The following NEK10 variants were observed in gnomAD, a reference collection of about 807,000 sequenced individuals.
NEK10 encodes the protein serine/threonine-protein kinase Nek10.
Under a neutral mutation model 159.8 loss-of-function variants are expected in NEK10, and 122 were observed. The observed-to-expected ratio is 0.76, with a 90% CI of 0.66 to 0.89. The LOEUF is 0.89. Ranked by LOEUF, NEK10 falls within the 40% of genes least tolerant of loss-of-function variation. The pLI, the probability that NEK10 is intolerant of heterozygous loss-of-function variation, is 0.00. For missense variants in NEK10, 1,342 were observed against 1,323.1 expected (o/e 1.01, Z -0.22); for synonymous variants, 466 against 457.1 (o/e 1.02, Z -0.25).
At chr3:27,180,544 T>C (rs992334798) in intron 26 of NEK10, among the ~76,000 whole-genome samples, 1 of 152,110 alleles carries the variant, frequency 6.6e-6, no homozygotes, top group Non-Finnish European at 1.5e-5. Flanking sequence ...GTCATTGAAA[T>C]TTACCAATGC....
intron 22 of NEK10, among the ~76,000 whole-genome samples, chr3:27,282,548 A>ATATATATATACATAACTGTGT (rs2042249077): frequency 4.0e-5 from 4 of 100,560 alleles, no homozygotes; most frequent in South Asian, 3.0e-4. Flanking sequence ...TTATATATAT[A>ATATATATATACATAACTGTGT]TATATATATA....
intron 22 of NEK10, among the ~76,000 whole-genome samples, chr3:27,261,455 TA>T (rs1199313225): frequency 1.3e-5 from 2 of 152,214 alleles, no homozygotes; most frequent in Admixed American, 1.3e-4. Flanking sequence ...AGAACATCTT[TA>T]TTTCTGCCTT....
At chr3:27,257,985 A>G (rs1956391199) in intron 22 of NEK10, among the ~76,000 whole-genome samples, 1 of 151,202 alleles carries the variant, frequency 6.6e-6, no homozygotes, top group African/African-American at 2.4e-5. Context: ...TTTAGTAGAG[A>G]CTGGGTTTCA....
chr3:27,319,922 G>C (rs1052120742), intron 6 of NEK10, among the ~76,000 whole-genome samples: 5 of 152,084 alleles, frequency 3.3e-5, no homozygotes, highest in Admixed American at 1.3e-4. Context: ...GGACCCTGCA[G>C]TACTGACTGA....
chr3:27,266,657 C>T (rs548228142), intron 22 of NEK10, among the ~76,000 whole-genome samples: 1 of 152,294 alleles, frequency 6.6e-6, no homozygotes, highest in South Asian at 2.1e-4. Context: ...TCCCTTTCAG[C>T]ATCAAATCCA....
chr3:27,301,213 G>T (rs1329996482), intron 13 of NEK10, among the ~76,000 whole-genome samples: 1 of 152,218 alleles, frequency 6.6e-6, no homozygotes, highest in Non-Finnish European at 1.5e-5. Context: ...TGCTGCTCCT[G>T]CTTGCATGTG....
intron 22 of NEK10, among the ~76,000 whole-genome samples, chr3:27,257,104 C>T (rs552915334): frequency 6.4e-4 from 98 of 152,020 alleles, no homozygotes; most frequent in Admixed American, 2.2e-3. Context: ...TTAGTAGAGA[C>T]GTGGTTTTAC....
intron 23 of NEK10, among the ~76,000 whole-genome samples, chr3:27,217,797 T>C (rs1266214146): frequency 6.6e-6 from 1 of 152,154 alleles, no homozygotes; most frequent in Non-Finnish European, 1.5e-5. Flanking sequence ...ATTACAGTAG[T>C]ACCCCCTTAT....
At chr3:27,348,999 T>A (rs6551194) in intron 3 of NEK10, among the ~76,000 whole-genome samples, 4 of 151,954 alleles carry the variant, frequency 2.6e-5, no homozygotes, top group East Asian at 3.9e-4. Context: ...CAGACATTGC[T>A]TGAGACACTG....
chr3:27,249,351 ATC>A (rs563448864), intron 23 of NEK10, among the ~76,000 whole-genome samples: 81 of 152,192 alleles, frequency 5.3e-4, no homozygotes, highest in African/African-American at 1.9e-3. Flanking sequence ...ATTTTTGTCC[ATC>A]TCTCTTTCTT....
rs188505277 is a variant in NEK10 at position 27,268,155 on chromosome 3, C to T, written c.2015-11784G>A. 7.8e-3 allele frequency among the ~76,000 whole-genome samples: 1,189 copies of T among 152,296 alleles called. 4 individuals are homozygous for T. Among genetic ancestry groups the T allele is most frequent in the Non-Finnish European group, 0.012 (824 of 68,024 alleles). ...CTGCAGAAGAAAGTCTGGAAGCTAG[C>T]AGAGGTTGGTTCACGAGGTTTAAGG... On this transcript the variant is annotated intron_variant, in intron 22 of 35. Coordinates refer to ENST00000691995, the MANE Select transcript of NEK10 (RefSeq NM_001394966.1).
Position 27,201,537 on chromosome 3 carries a change from G to A in NEK10, c.2264C>T (p.Ser755Phe). The A allele has an allele frequency of 6.2e-7, 1 of 1,613,964 alleles. No homozygotes were observed. Among genetic ancestry groups the A allele is most frequent in the African/African-American group, 1.3e-5 (1 of 75,036 alleles). Residue 755 changes from serine (S) to phenylalanine (F), a missense_variant, in exon 25 of 36, where the codon TCT becomes TTT. Ser to Phe is a radical substitution (Grantham distance 155). Coordinates refer to ENST00000691995, the MANE Select transcript of NEK10 (RefSeq NM_001394966.1). ...VYEPVPEGIY[S>F]EKVTDTISRC... ...GCTGATGGTGTCTGTTACTTTTTCA[G>A]AGTAGATACCTTCTGGGACTGGTTC...
chr3:27,349,940 T>C (rs2047846215), intron 3 of NEK10, among the ~76,000 whole-genome samples: 1 of 152,166 alleles, frequency 6.6e-6, no homozygotes, highest in Admixed American at 6.5e-5. Context: ...ACACAGAGTG[T>C]AGGTCAGGAC....
At chr3:27,139,338 T>C (rs1228004747) in intron 31 of NEK10, among the ~76,000 whole-genome samples, 1 of 152,034 alleles carries the variant, frequency 6.6e-6, no homozygotes, top group Non-Finnish European at 1.5e-5. Flanking sequence ...TATGATAACC[T>C]CATCTAGGAC....
At chr3:27,312,874 T>A (rs939651472) in intron 7 of NEK10, among the ~76,000 whole-genome samples, 1 of 152,180 alleles carries the variant, frequency 6.6e-6, no homozygotes. Flanking sequence ...TTTCTAAGAA[T>A]ATAATAAAAT....
At chr3:27,362,854 C>A (rs2048784569) in intron 1 of NEK10, among the ~76,000 whole-genome samples, 1 of 152,026 alleles carries the variant, frequency 6.6e-6, no homozygotes. Flanking sequence ...ACCTGAACTA[C>A]CATTATCACT....
chr3:27,224,163 T>C (rs1015670200), intron 23 of NEK10, among the ~76,000 whole-genome samples: 1 of 152,210 alleles, frequency 6.6e-6, no homozygotes, highest in African/African-American at 2.4e-5. Flanking sequence ...AAGAGTGATG[T>C]CTCTTGTCAA....
At chr3:27,164,291 G>C (rs2120896) in intron 29 of NEK10, among the ~76,000 whole-genome samples, 1 of 152,188 alleles carries the variant, frequency 6.6e-6, no homozygotes, top group African/African-American at 2.4e-5. Flanking sequence ...CTGAGGAGCA[G>C]AGCATCTGTT....
At chr3:27,176,462 A>G (rs929224211) in intron 26 of NEK10, among the ~76,000 whole-genome samples, 1 of 152,168 alleles carries the variant, frequency 6.6e-6, no homozygotes, top group African/African-American at 2.4e-5. Context: ...AATTTTTCCA[A>G]TGCCTAAGGC....
Sources: allele counts gnomAD v4.1 joint callset (sites outside exome capture counted in the v4.1 genomes callset), GRCh38; gene constraint gnomAD v4.1.1; transcripts MANE v1.5; gene names NCBI Gene and HGNC (gene_info 2026-07-23, HGNC 2026-07-21).